The following CREB3L2 variants were observed in gnomAD, a reference collection of about 807,000 sequenced individuals.
CREB3L2 encodes the protein cyclic AMP-responsive element-binding protein 3-like protein 2.
In CREB3L2, 23 loss-of-function variants were observed where a neutral mutation model predicts 57.2. The ratio of observed to expected loss-of-function variants is 0.40; its 90% CI spans 0.29 to 0.57. The LOEUF (loss-of-function observed/expected upper bound fraction) is 0.57, where lower values mean the gene tolerates loss of function less well. Ranked by LOEUF, CREB3L2 falls within the 20% of genes least tolerant of loss-of-function variation. The pLI is 0.42. For missense variants in CREB3L2, 628 were observed against 634.7 expected (o/e 0.99, Z 0.11); for synonymous variants, 268 against 265.1 (o/e 1.01, Z -0.11).
chr7:137,964,679 T>C (rs1362979274), intron 1 of CREB3L2, among the ~76,000 whole-genome samples: 1 of 152,230 alleles, frequency 6.6e-6, no homozygotes, highest in Admixed American at 6.5e-5. Context: ...TCAAATTCTT[T>C]AAATTCTACC....
At chr7:137,892,363 C>A (rs1019911926) in intron 8 of CREB3L2, among the ~76,000 whole-genome samples, 32 of 135,090 alleles carry the variant, frequency 2.4e-4, no homozygotes, top group East Asian at 1.8e-3. Context: ...AAAAAAAAAA[C>A]AACTTGGTCA....
At chr7:137,974,171 C>A (rs1432272472) in intron 1 of CREB3L2, among the ~76,000 whole-genome samples, 1 of 152,060 alleles carries the variant, frequency 6.6e-6, no homozygotes, top group African/African-American at 2.4e-5. Context: ...TACTGAGGTA[C>A]AACGGTGATG....
chr7:137,968,143 T>A (rs546509718), intron 1 of CREB3L2, among the ~76,000 whole-genome samples: 3 of 152,180 alleles, frequency 2.0e-5, no homozygotes, highest in Non-Finnish European at 4.4e-5. Flanking sequence ...CTACCCCATT[T>A]TGGCACACCC....
rs13239226 is a variant in CREB3L2, at chr7:137,922,439, T to C, written c.319+5711A>G. Among the ~76,000 whole-genome samples the C allele has an allele frequency of 1.2e-3, 12 of 10,374 alleles. 1 individual carries two copies. Among genetic ancestry groups the C allele is most frequent in the East Asian group, 0.037 (2 of 54 alleles). The allele number at this position is 10,374 out of a possible 152,430, so 6.8% of individuals were successfully genotyped here. On this transcript the variant is annotated intron_variant, in intron 2 of 11. Coordinates refer to ENST00000330387, the MANE Select transcript of CREB3L2 (RefSeq NM_194071.4). ...ATGTATATATATATATATATATACG[T>C]ATATATATATATATACACACATATA...
At chr7:137,951,410 C>T (rs1367462005) in intron 1 of CREB3L2, among the ~76,000 whole-genome samples, 3 of 152,108 alleles carry the variant, frequency 2.0e-5, no homozygotes, top group Non-Finnish European at 4.4e-5. Flanking sequence ...ACACATAAAA[C>T]AAGGTTATAT....
intron 4 of CREB3L2, among the ~76,000 whole-genome samples, chr7:137,909,035 G>A (rs893929718): frequency 6.6e-6 from 1 of 152,144 alleles, no homozygotes; most frequent in Non-Finnish European, 1.5e-5. Context: ...AGGAGTTAGG[G>A]GTTGCAGTGA....
chr7:137,931,440 T>C (rs1218737829), intron 1 of CREB3L2, among the ~76,000 whole-genome samples: 5 of 146,640 alleles, frequency 3.4e-5, no homozygotes. Flanking sequence ...CAGAATGGGG[T>C]GAACCCAGGA....
intron 1 of CREB3L2, among the ~76,000 whole-genome samples, chr7:137,977,127 C>T (rs1285772423): frequency 6.6e-6 from 1 of 152,228 alleles, no homozygotes; most frequent in East Asian, 1.9e-4. Context: ...GCACCTCCCA[C>T]CATCCTTCCC....
chr7:137,960,406 C>T (rs918720202), intron 1 of CREB3L2, among the ~76,000 whole-genome samples: 9 of 152,126 alleles, frequency 5.9e-5, no homozygotes, highest in Admixed American at 5.2e-4. Context: ...TATACATACA[C>T]ACATGCACAC....
intron 7 of CREB3L2, among the ~76,000 whole-genome samples, chr7:137,903,328 C>T (rs762167874): frequency 6.6e-6 from 1 of 152,216 alleles, no homozygotes; most frequent in Non-Finnish European, 1.5e-5. Flanking sequence ...ATTTCTGGGT[C>T]TGGGGCCTCA....
chr7:137,902,304 C>G (rs1321712277), intron 7 of CREB3L2, among the ~76,000 whole-genome samples: 2 of 151,810 alleles, frequency 1.3e-5, no homozygotes. Context: ...AACCTCTTTC[C>G]TCTCACCTCC....
intron 11 of CREB3L2, 80 bp downstream of exon 11, chr7:137,882,332 C>A: frequency 9.2e-7 from 1 of 1,087,414 alleles, no homozygotes; most frequent in South Asian, 1.4e-5. Flanking sequence ...TGGAGAGTCT[C>A]AACCTCACAT....
intron 1 of CREB3L2, chr7:137,953,504 C>T (rs1432788496): frequency 5.4e-6 from 7 of 1,288,940 alleles, no homozygotes; most frequent in East Asian, 1.1e-4. Flanking sequence ...CCCCAACACA[C>T]GACTCTCCTG....
rs748583702 is a variant in CREB3L2, at chr7:137,880,430, T to C, written c.*46A>G. The C allele has an allele frequency of 2.0e-6, 3 of 1,480,170 alleles. No individual in the cohort carries two copies. Among genetic ancestry groups the C allele is most frequent in the Non-Finnish European group, 2.8e-6 (3 of 1,062,674 alleles). 91.7% of individuals were successfully genotyped at this position (1,480,170 alleles called of 1,614,324 possible). A position where few individuals can be genotyped will look rare whatever the true frequency, so the allele number is the denominator to read the frequency against. The stretch of plus-strand genomic sequence containing the variant: ...GCTGATGACAAAGGTGGTTTGGGGA[T>C]GTAAAAGTAGAGTTAAGGGAAAGGG... On this transcript the variant is annotated 3_prime_UTR_variant, in exon 12 of 12. Transcript: ENST00000330387. This position sits in a 1 kb window ranked among gnomAD's most constrained non-coding sequence, Gnocchi z 4.0.
intron 1 of CREB3L2, among the ~76,000 whole-genome samples, chr7:137,962,396 A>G (rs1801337755): frequency 6.6e-6 from 1 of 152,056 alleles, no homozygotes; most frequent in African/African-American, 2.4e-5. Context: ...CAGGATGAAC[A>G]AAGGGTTTCT....
chr7:137,879,397 G>C lies in CREB3L2; in HGVS notation c.*1079C>G. ...GCCAGCAAGGTTGTCTGAAATGTCT[G>C]TTGTCAGAACAGGGCTTCCCCTTCT... On this transcript the variant is annotated 3_prime_UTR_variant, in exon 12 of 12. Coordinates refer to ENST00000330387, the MANE Select transcript of CREB3L2 (RefSeq NM_194071.4). The C allele has an allele frequency of 2.2e-6, 1 of 455,978 alleles. No individual in the cohort carries two copies. Among genetic ancestry groups the C allele is most frequent in the Non-Finnish European group, 4.1e-6 (1 of 241,010 alleles). 28.2% of individuals were successfully genotyped at this position (455,978 alleles called of 1,614,324 possible). A position where few individuals can be genotyped will look rare whatever the true frequency, so the allele number is the denominator to read the frequency against.
intron 1 of CREB3L2, chr7:137,953,487 C>T (rs1801142918): frequency 7.8e-7 from 1 of 1,288,996 alleles, no homozygotes; most frequent in Non-Finnish European, 1.0e-6. Flanking sequence ...TAAAAAGCGT[C>T]AACCATCCCC....
intron 2 of CREB3L2, among the ~76,000 whole-genome samples, chr7:137,925,986 C>CTATAAATAGAA (rs1800446205): frequency 1.3e-5 from 2 of 152,180 alleles, no homozygotes; most frequent in Non-Finnish European, 2.9e-5. Flanking sequence ...GAACAAAGCC[C>CTATAAATAGAA]CAGCTGGGGG....
At chr7:137,981,127 C>G (rs928844352) in intron 1 of CREB3L2, among the ~76,000 whole-genome samples, 1 of 151,964 alleles carries the variant, frequency 6.6e-6, no homozygotes, top group African/African-American at 2.4e-5. Context: ...CTAGGAAAAC[C>G]GGCAGAGTTA....
Sources: allele counts gnomAD v4.1 joint callset (sites outside exome capture counted in the v4.1 genomes callset), GRCh38; gene constraint gnomAD v4.1.1; non-coding constraint Gnocchi (gnomAD v3.1); transcripts MANE v1.5; gene names NCBI Gene and HGNC (gene_info 2026-07-23, HGNC 2026-07-21).